Variants in RGS5 observed in about 807,000 individuals in gnomAD.
RGS5 encodes regulator of G-protein signalling 5.
In RGS5, 20 loss-of-function variants were observed where a neutral mutation model predicts 18.9. That is an observed-to-expected ratio of 1.06 (90% CI 0.74 to 1.54). The LOEUF is 1.54. Among genes scored for constraint, RGS5 ranks in the 40% most tolerant of loss-of-function variants. The pLI, the probability that RGS5 is intolerant of heterozygous loss-of-function variation, is 0.00. For synonymous variants in RGS5, 57 were observed against 76.2 expected, an observed-to-expected ratio of 0.75 and a Z score of 1.31; for missense variants, 201 against 211.8, an observed-to-expected ratio of 0.95 and a Z score of 0.32.
At chr1:163,282,295 C>T (rs1373995131) in intron 2 of RGS5, among the ~76,000 whole-genome samples, 2 of 152,078 alleles carry the variant, frequency 1.3e-5, no homozygotes, top group Admixed American at 1.3e-4. Context: ...AAACATTTCT[C>T]AAAGGAAGAC....
At chr1:163,217,510 T>C (rs974604154) in intron 1 of RGS5, 66 of 1,519,140 alleles carry the variant, frequency 4.3e-5, no homozygotes, top group Non-Finnish European at 5.4e-5. Flanking sequence ...TATTTAAGAC[T>C]AATATTTGTA....
chr1:163,234,918 A>G (rs1647583226), intron 2 of RGS5, among the ~76,000 whole-genome samples: 1 of 152,154 alleles, frequency 6.6e-6, no homozygotes, highest in African/African-American at 2.4e-5. Flanking sequence ...CAGCCTCAGG[A>G]AACTGTTCCA....
At chr1:163,166,341 T>A (rs964288141) in intron 2 of RGS5, among the ~76,000 whole-genome samples, 17 of 152,080 alleles carry the variant, frequency 1.1e-4, no homozygotes, top group African/African-American at 1.9e-4. Flanking sequence ...AAAATACTTT[T>A]AAAAAAACGG....
chr1:163,292,626 C>G (rs1429119749), intron 2 of RGS5, among the ~76,000 whole-genome samples: 2 of 152,202 alleles, frequency 1.3e-5, no homozygotes, highest in Non-Finnish European at 2.9e-5. Flanking sequence ...CTAATTTACA[C>G]TCCCAAGAAC....
intron 2 of RGS5, among the ~76,000 whole-genome samples, chr1:163,271,559 G>A (rs1368152529): frequency 6.6e-6 from 1 of 152,104 alleles, no homozygotes; most frequent in African/African-American, 2.4e-5. Flanking sequence ...TGTGGTTTAG[G>A]CCACCCAGCC....
intron 2 of RGS5, among the ~76,000 whole-genome samples, chr1:163,298,542 G>C (rs1649478898): frequency 6.6e-6 from 1 of 152,062 alleles, no homozygotes; most frequent in South Asian, 2.1e-4. Context: ...TAAGAGGAGG[G>C]AATGCATGGA....
At chr1:163,224,141 AT>A (rs1647284236) in intron 2 of RGS5, among the ~76,000 whole-genome samples, 2 of 152,062 alleles carry the variant, frequency 1.3e-5, no homozygotes, top group South Asian at 4.2e-4. Context: ...CTACTGTGCA[AT>A]AGAACACCAG....
At position 163,259,245 on chromosome 1, in the gene RGS5, G is replaced by A. The variant is rs758069837; in HGVS notation, c.-281+46988C>T. 1.3e-4 allele frequency among the ~76,000 whole-genome samples: 20 copies of A among 151,794 alleles called. 1 individual carries two copies. The highest frequency in any genetic ancestry group is 3.9e-4 in the East Asian group (2 of 5,130). On this transcript the variant is annotated intron_variant, in intron 2 of 5. Coordinates refer to the RGS5 transcript ENST00000618415. ...CGGCTCACTGCAAGCTCCAACTTCC[G>A]GGTTCATGCCATTCTCCTGCCTCAG...
chr1:163,172,301 A>AAC (rs1658339416), intron 1 of RGS5, among the ~76,000 whole-genome samples: 1 of 152,232 alleles, frequency 6.6e-6, no homozygotes. Context: ...CTATCATATG[A>AAC]ACACAATGTA....
At chr1:163,267,608 C>T (rs79938664) in intron 2 of RGS5, among the ~76,000 whole-genome samples, 54 of 152,212 alleles carry the variant, frequency 3.5e-4, no homozygotes, top group African/African-American at 1.3e-3. Context: ...AGCTCACAAT[C>T]TATATACCAC....
rs559051010 is a variant in RGS5, at chr1:163,255,494, A to C, written c.-281+50739T>G. On this transcript the variant is annotated intron_variant, in intron 2 of 5. Transcript: ENST00000618415. ...ATAGCTTACCAACCAAAAAGAGTCC[A>C]GGACCAGATGGATTCACAGCTGAAT... Among the ~76,000 whole-genome samples, 329 of 152,178 alleles carry C rather than the reference A, an allele frequency of 2.2e-3. 2 individuals are homozygous for C. Among genetic ancestry groups the C allele is most frequent in the African/African-American group, 7.8e-3 (323 of 41,506 alleles).
At chr1:163,293,376 G>A (rs1649340633) in intron 2 of RGS5, among the ~76,000 whole-genome samples, 1 of 152,156 alleles carries the variant, frequency 6.6e-6, no homozygotes, top group Non-Finnish European at 1.5e-5. Flanking sequence ...CATGGTGGCA[G>A]GAGAAAGAGC....
At chr1:163,149,139 C>G (rs1399658402) in intron 4 of RGS5, among the ~76,000 whole-genome samples, 1 of 152,146 alleles carries the variant, frequency 6.6e-6, no homozygotes, top group African/African-American at 2.4e-5. Context: ...TTTATGCAGG[C>G]CTGTTGGAAG....
rs1410729826 is a variant in RGS5 at position 163,162,108 on chromosome 1, A to C, written c.156-132T>G. ...TGCTGGTCTATCCTCAGGACAAGGA[A>C]GTTTAAGTTATTTTCTCTCTAACAA... On this transcript the variant is annotated intron_variant, in intron 2 of 4. Transcript: ENST00000313961. The C allele has an allele frequency of 1.1e-5, 7 of 638,490 alleles. No individual in the cohort carries two copies. In the East Asian group the frequency reaches 1.9e-4, roughly 18 times the overall value. The allele number at this position is 638,490 out of a possible 1,614,324, so 39.6% of individuals were successfully genotyped here. A position where few individuals can be genotyped will look rare whatever the true frequency, so the allele number is the denominator to read the frequency against.
intron 3 of RGS5, among the ~76,000 whole-genome samples, chr1:163,161,107 A>C (rs1286006053): frequency 6.6e-6 from 1 of 152,212 alleles, no homozygotes; most frequent in Non-Finnish European, 1.5e-5. Context: ...TATTTGAATT[A>C]TCTATTATAG....
chr1:163,227,856 A>G (rs1395073848), intron 2 of RGS5, among the ~76,000 whole-genome samples: 1 of 152,232 alleles, frequency 6.6e-6, no homozygotes, highest in African/African-American at 2.4e-5. Flanking sequence ...TCCCCATGTA[A>G]GTCCGAAATC....
intron 1 of RGS5, among the ~76,000 whole-genome samples, chr1:163,196,247 C>G (rs1024935564): frequency 6.6e-6 from 1 of 152,156 alleles, no homozygotes; most frequent in African/African-American, 2.4e-5. Context: ...CTTCTGGCCT[C>G]CAGCCATATT....
intron 1 of RGS5, among the ~76,000 whole-genome samples, chr1:163,173,984 G>A (rs1658426601): frequency 6.6e-6 from 1 of 152,104 alleles, no homozygotes; most frequent in South Asian, 2.1e-4. Flanking sequence ...GGCTGAGGCA[G>A]AGAATTGCTT....
intron 3 of RGS5, 122 bp from the exon 4 acceptor site, chr1:163,152,838 A>G: frequency 1.2e-6 from 1 of 817,372 alleles, no homozygotes; most frequent in Admixed American, 3.0e-5. Flanking sequence ...TAGCTCATTC[A>G]TGTCTAGCTT....
Sources: gnomAD v4.1 joint callset for allele counts (sites outside exome capture counted in the v4.1 genomes callset) on GRCh38, gnomAD v4.1.1 for gene constraint, MANE v1.5 for transcripts, NCBI Gene and HGNC (gene_info 2026-07-23, HGNC 2026-07-21) for gene names.